The following RARB variants were observed in gnomAD, a reference collection of about 807,000 sequenced individuals.
RARB encodes retinoic acid receptor beta.
RARB carries 17 observed loss-of-function variants against 51.9 expected under a neutral mutation model. The observed-to-expected ratio is 0.33, with a 90% CI of 0.22 to 0.49. The LOEUF (loss-of-function observed/expected upper bound fraction) is 0.49. RARB is among the 20% of genes least tolerant of loss of function. The probability of loss-of-function intolerance (pLI) is 0.99; values close to 1 mark genes in which losing one functional copy is unlikely to be tolerated. For missense variants in RARB, 369 were observed against 550.8 expected, an observed-to-expected ratio of 0.67 and a Z score of 3.30; for synonymous variants, 215 against 195.4, an observed-to-expected ratio of 1.10 and a Z score of -0.84.
At position 24,834,149 on chromosome 3, in the gene RARB, G is replaced by T. The variant is rs7613647; in HGVS notation, c.-459+4746G>T. Among the ~76,000 whole-genome samples, 1,437 of 152,334 alleles carry T rather than the reference G, an allele frequency of 9.4e-3. 27 individuals are homozygous for T. Among genetic ancestry groups the T allele is most frequent in the African/African-American group, 0.033 (1,383 of 41,574 alleles). On this transcript the variant is annotated intron_variant, in intron 1 of 11. Transcript: ENST00000383772. ...AAGAGGTTGGATATGTTCCAAGGTA[G>T]AAGTCCTTTGTGAGCTGAGAAATAT...
chr3:25,480,521 T>C lies in RARB; in HGVS notation c.306+19180T>C, dbSNP rs76184351. 5.3e-3 allele frequency among the ~76,000 whole-genome samples: 808 copies of C among 152,300 alleles called. 12 individuals carry two copies. Among genetic ancestry groups the C allele is most frequent in the African/African-American group, 0.018 (764 of 41,554 alleles). On this transcript the variant is annotated intron_variant, in intron 2 of 7. Coordinates refer to ENST00000330688, the MANE Select transcript of RARB (RefSeq NM_000965.5). ...AGCTAAGGTAACTAACTCCCATCTT[T>C]AACATTATCTGATTCACTAGTCCTT...
intron 5 of RARB, among the ~76,000 whole-genome samples, chr3:25,233,040 A>G (rs575473160): frequency 6.8e-6 from 1 of 146,148 alleles, no homozygotes; most frequent in Admixed American, 7.0e-5. Context: ...CAGTGGTGCA[A>G]TCTCAGCTTA....
At chr3:25,176,342 C>CTTTCTTTCTTTCTTTCTTTCTTTCTTTCT (rs1700747733) in intron 5 of RARB, among the ~76,000 whole-genome samples, 18 of 52,422 alleles carry the variant, frequency 3.4e-4, no homozygotes, top group African/African-American at 7.4e-4. Context: ...TCTTTCCTTC[C>CTTTCTTTCTTTCTTTCTTTCTTTCTTTCT]TTCCTTCCTT....
rs573055056 is a variant in RARB, at chr3:25,512,129, G to A, written c.448+10806G>A. Among the ~76,000 whole-genome samples the A allele has an allele frequency of 3.0e-4, 45 of 152,232 alleles. No homozygotes were observed. The South Asian group carries it at 8.1e-3, about 27-fold the overall frequency. On this transcript the variant is annotated intron_variant, in intron 3 of 7. Coordinates refer to ENST00000330688, the MANE Select transcript of RARB (RefSeq NM_000965.5). ...GTGAGAAGGAAATGAATTAATACAT[G>A]GCAGGGGCTAAAAACAGTACTTAGC...
At chr3:25,422,998 C>G (rs1481175308) in intron 5 of RARB, among the ~76,000 whole-genome samples, 1 of 152,166 alleles carries the variant, frequency 6.6e-6, no homozygotes, top group Non-Finnish European at 1.5e-5. Context: ...ATTATATAGT[C>G]TGTGGCTCCT....
At chr3:24,956,043 A>G (rs971998366) in intron 2 of RARB, among the ~76,000 whole-genome samples, 3 of 152,142 alleles carry the variant, frequency 2.0e-5, no homozygotes, top group African/African-American at 7.2e-5. Context: ...AAATTCAGAG[A>G]GTCCCTGATC....
intron 2 of RARB, among the ~76,000 whole-genome samples, chr3:25,013,141 T>G (rs1049347795): frequency 2.0e-5 from 3 of 152,084 alleles, no homozygotes; most frequent in Non-Finnish European, 4.4e-5. Flanking sequence ...ACCTAGGCAG[T>G]GGTTGCAGAC....
intron 3 of RARB, among the ~76,000 whole-genome samples, chr3:25,543,965 C>A (rs1471635314): frequency 6.6e-6 from 1 of 152,072 alleles, no homozygotes; most frequent in East Asian, 1.9e-4. Context: ...TGTGTGTAAT[C>A]ATGATGTATA....
At chr3:24,963,900 CTT>C (rs1049852173) in intron 2 of RARB, among the ~76,000 whole-genome samples, 1 of 151,966 alleles carries the variant, frequency 6.6e-6, no homozygotes, top group African/African-American at 2.4e-5. Flanking sequence ...GAAAAAAAAA[CTT>C]TACCTTCCCT....
intron 1 of RARB, among the ~76,000 whole-genome samples, chr3:24,851,967 C>T (rs1390358526): frequency 1.3e-5 from 2 of 152,178 alleles, no homozygotes; most frequent in African/African-American, 2.4e-5. Context: ...AGCGGAAGCC[C>T]ATGCTTGTAT....
chr3:25,081,606 TATATA>T (rs1698999599), intron 3 of RARB, among the ~76,000 whole-genome samples: 20 of 17,266 alleles, frequency 1.2e-3, no homozygotes, highest in Non-Finnish European at 1.4e-3. Context: ...TATATATATA[TATATA>T]TATATATATA....
intron 4 of RARB, among the ~76,000 whole-genome samples, chr3:25,157,380 GTA>G (rs1553638369): frequency 4.1e-5 from 6 of 146,680 alleles, no homozygotes; most frequent in Non-Finnish European, 8.9e-5. Flanking sequence ...GTGTGTGTGT[GTA>G]TATATATGGT....
At chr3:24,906,389 C>G (rs1694864858) in intron 2 of RARB, among the ~76,000 whole-genome samples, 1 of 152,058 alleles carries the variant, frequency 6.6e-6, no homozygotes, top group African/African-American at 2.4e-5. Flanking sequence ...TTGGCTTAGG[C>G]AAAATTTGAC....
At chr3:24,877,973 C>T (rs1308391420) in intron 2 of RARB, among the ~76,000 whole-genome samples, 1 of 152,118 alleles carries the variant, frequency 6.6e-6, no homozygotes, top group Non-Finnish European at 1.5e-5. Context: ...ACAAAATAGA[C>T]AATCATCTCA....
At position 25,516,879 on chromosome 3, in the gene RARB, G is replaced by A. The variant is rs148322645; in HGVS notation, c.448+15556G>A. Among the ~76,000 whole-genome samples, 45 of 152,182 alleles carry A rather than the reference G, an allele frequency of 3.0e-4. 1 individual carries two copies. In the East Asian group the frequency reaches 7.9e-3, roughly 27 times the overall value. On this transcript the variant is annotated intron_variant, in intron 3 of 7. Transcript: ENST00000330688. ...TGGCCTCAAGTGATCCACACACCTC[G>A]CCCTCCCAAAGTGTTGAGATTACAG...
chr3:25,343,344 A>G (rs566422074), intron 5 of RARB, among the ~76,000 whole-genome samples: 34 of 152,254 alleles, frequency 2.2e-4, no homozygotes, highest in African/African-American at 8.2e-4. Flanking sequence ...TATTTTCCCA[A>G]TTAAACACTT....
chr3:25,544,198 G>T (rs900278356), intron 3 of RARB, among the ~76,000 whole-genome samples: 1 of 151,914 alleles, frequency 6.6e-6, no homozygotes, highest in East Asian at 1.9e-4. Context: ...TATTATTTTT[G>T]TTGAAAAAAA....
intron 5 of RARB, among the ~76,000 whole-genome samples, chr3:25,249,797 G>A (rs1021001182): frequency 3.0e-5 from 2 of 66,300 alleles, no homozygotes; most frequent in African/African-American, 2.9e-4. Context: ...TTTCAGGGAT[G>A]GGGATGTCAG....
chr3:24,985,119 A>G (rs1435659572), intron 2 of RARB, among the ~76,000 whole-genome samples: 1 of 152,318 alleles, frequency 6.6e-6, no homozygotes, highest in South Asian at 2.1e-4. Context: ...TACAGCTAGC[A>G]TGGAAATGGT....
Sources: gnomAD v4.1 joint callset for allele counts (sites outside exome capture counted in the v4.1 genomes callset) on GRCh38, gnomAD v4.1.1 for gene constraint, MANE v1.5 for transcripts, NCBI Gene and HGNC (gene_info 2026-07-23, HGNC 2026-07-21) for gene names.